The following IFT43 variants were observed in gnomAD, a reference collection of about 807,000 sequenced individuals.
The protein encoded by IFT43 is intraflagellar transport protein 43 homolog.
A neutral mutation model predicts 32.3 loss-of-function variants in IFT43; 33 were observed. The ratio of observed to expected loss-of-function variants is 1.02; its 90% confidence interval spans 0.77 to 1.37. The LOEUF (loss-of-function observed/expected upper bound fraction) is 1.37, where lower values mean the gene tolerates loss of function less well. Ranked by LOEUF, IFT43 falls within the 40% of genes most tolerant of loss-of-function variation. IFT43 has a pLI of 0.00. For missense variants in IFT43, 274 were observed against 265.9 expected (o/e 1.03, Z -0.21); for synonymous variants, 93 against 98.2 (o/e 0.95, Z 0.31).
intron 5 of IFT43, among the ~76,000 whole-genome samples, chr14:76,061,136 A>C (rs2037126784): frequency 6.6e-6 from 1 of 152,120 alleles, no homozygotes; most frequent in African/African-American, 2.4e-5. Flanking sequence ...TCCTGACCTC[A>C]AGTGATCCAC....
At chr14:76,060,334 C>A (rs2037106269) in intron 5 of IFT43, among the ~76,000 whole-genome samples, 1 of 152,076 alleles carries the variant, frequency 6.6e-6, no homozygotes, top group Non-Finnish European at 1.5e-5. Flanking sequence ...TCTCCTGCCT[C>A]AGCCTCCCGA....
chr14:76,062,089 T>A lies in IFT43; in HGVS notation c.295+2716T>A, dbSNP rs10130325. 3.1e-5 allele frequency among the ~76,000 whole-genome samples: 4 copies of A among 130,736 alleles called. No individual in the cohort carries two copies. In the South Asian group the frequency reaches 7.2e-4, roughly 24 times the overall value. The allele number at this position is 130,736 out of a possible 152,430, so 85.8% of individuals were successfully genotyped here. On this transcript the variant is annotated intron_variant, in intron 5 of 8. Transcript: ENST00000314067. ...TTTTTCCGCTTCTTTTTTTTTTTTT[T>A]AAACAGAGTCTCACTCTGTTTCCTA... is the stretch of plus-strand genomic sequence containing the variant.
chr14:76,002,605 C>G (rs1327406155), intron 2 of IFT43, among the ~76,000 whole-genome samples: 3 of 152,158 alleles, frequency 2.0e-5, no homozygotes, highest in Admixed American at 2.0e-4. Context: ...ACTAACTTGG[C>G]TTAGAATAAT....
At chr14:76,051,338 C>G (rs2036910427) in intron 3 of IFT43, among the ~76,000 whole-genome samples, 1 of 151,126 alleles carries the variant, frequency 6.6e-6, no homozygotes, top group Admixed American at 6.6e-5. Context: ...ACAAGGAAAA[C>G]TTCAGTTCAT....
intron 3 of IFT43, among the ~76,000 whole-genome samples, chr14:76,024,716 A>G (rs937777965): frequency 4.6e-5 from 7 of 152,228 alleles, no homozygotes; most frequent in African/African-American, 1.4e-4. Flanking sequence ...AATGGCATCT[A>G]TAGTAGGATG....
At chr14:76,010,643 G>A (rs34783716) in intron 2 of IFT43, among the ~76,000 whole-genome samples, 1,733 of 151,454 alleles carry the variant, frequency 0.011, 16 homozygotes, top group South Asian at 0.021. Context: ...CAAATTATAG[G>A]CATCATAACA....
intron 3 of IFT43, among the ~76,000 whole-genome samples, chr14:76,043,783 C>T (rs1191038669): frequency 6.6e-6 from 1 of 152,196 alleles, no homozygotes; most frequent in Non-Finnish European, 1.5e-5. Context: ...TACAGTTTTA[C>T]TCAATTCTGA....
chr14:76,021,901 G>A (rs976490551), intron 2 of IFT43, among the ~76,000 whole-genome samples: 7 of 152,192 alleles, frequency 4.6e-5, no homozygotes, highest in African/African-American at 1.7e-4. Context: ...TATTCAAAAG[G>A]TAGGCTGAAT....
chr14:76,032,315 C>T (rs1379036961), intron 3 of IFT43, among the ~76,000 whole-genome samples: 1 of 152,214 alleles, frequency 6.6e-6, no homozygotes, highest in African/African-American at 2.4e-5. Flanking sequence ...ACGAGGCTCC[C>T]TCTGTGTTAT....
At chr14:76,065,561 G>C (rs987300147) in intron 5 of IFT43, among the ~76,000 whole-genome samples, 1 of 151,792 alleles carries the variant, frequency 6.6e-6, no homozygotes, top group African/African-American at 2.4e-5. Context: ...AGAGTAGCTT[G>C]TGGTTTCTAG....
At chr14:75,996,756 T>C (rs1230585759) in intron 2 of IFT43, among the ~76,000 whole-genome samples, 1 of 152,256 alleles carries the variant, frequency 6.6e-6, no homozygotes, top group Non-Finnish European at 1.5e-5. Context: ...ATTGCTGACT[T>C]ATATCATTTT....
At chr14:76,058,802 G>A in intron 4 of IFT43, 128 bp downstream of exon 4, 3 of 1,580,436 alleles carry the variant, frequency 1.9e-6, no homozygotes, top group South Asian at 2.3e-5. Flanking sequence ...TAGAATTATT[G>A]ATGCCTGCTG....
At chr14:75,991,697 T>C (rs896485886) in intron 2 of IFT43, among the ~76,000 whole-genome samples, 2 of 152,206 alleles carry the variant, frequency 1.3e-5, no homozygotes, top group African/African-American at 4.8e-5. Flanking sequence ...CATTCAGTAA[T>C]ACCTACTTAT....
chr14:76,050,657 G>A (rs2036896730), intron 3 of IFT43, among the ~76,000 whole-genome samples: 1 of 152,234 alleles, frequency 6.6e-6, no homozygotes, highest in African/African-American at 2.4e-5. Flanking sequence ...CAGTATGTAA[G>A]TTTATGGAGG....
chr14:76,080,848 T>G (rs909245553), intron 5 of IFT43, among the ~76,000 whole-genome samples: 1 of 152,212 alleles, frequency 6.6e-6, no homozygotes, highest in Non-Finnish European at 1.5e-5. Flanking sequence ...GATAGAGAGA[T>G]ATAATCTAAG....
At position 76,082,643 on chromosome 14, in the gene IFT43, A is replaced by G. The variant is rs201692401; in HGVS notation, c.395A>G (p.Tyr132Cys). Residue 132 changes from tyrosine to cysteine, a missense_variant, in exon 7 of 9, where the codon TAC (tyrosine) becomes TGC (cysteine). Physicochemically the swap from Tyr to Cys is radical, Grantham distance 194 (BLOSUM62 -2). Transcript: ENST00000314067. ...ATCCAGATAAAGCGGGTGATGACCT[A>G]CCGTGACCTGGACAATGACCTCATG... Reference protein sequence around the residue: ...PSIQIKRVMTYRDLDNDLMKY... With the variant: ...PSIQIKRVMTCRDLDNDLMKY... The G allele has an allele frequency of 6.2e-7, 1 of 1,614,110 alleles. No individual in the cohort carries two copies. Among genetic ancestry groups the G allele is most frequent in the Non-Finnish European group, 8.5e-7 (1 of 1,179,988 alleles).
At chr14:76,063,597 A>G (rs67051447) in intron 5 of IFT43, among the ~76,000 whole-genome samples, 53,075 of 152,056 alleles carry the variant, frequency 0.35, 9,376 homozygotes, top group African/African-American at 0.4. Flanking sequence ...TAGGCTGCTT[A>G]TTATCCAGTG....
intron 2 of IFT43, among the ~76,000 whole-genome samples, chr14:76,007,784 C>T (rs1265954205): frequency 6.6e-6 from 1 of 152,082 alleles, no homozygotes; most frequent in African/African-American, 2.4e-5. Context: ...GGAAATGGGG[C>T]ATGTCTTTAT....
At chr14:76,076,545 G>A in intron 5 of IFT43, 1 of 1,610,516 alleles carries the variant, frequency 6.2e-7, no homozygotes, top group South Asian at 1.1e-5. Context: ...TAGTGCTTGG[G>A]GTATACTCAT....
Sources: allele counts gnomAD v4.1 joint callset (sites outside exome capture counted in the v4.1 genomes callset), GRCh38; gene constraint gnomAD v4.1.1; transcripts MANE v1.5; gene names NCBI Gene and HGNC (gene_info 2026-07-23, HGNC 2026-07-21).